Variants in ARSG observed in about 807,000 individuals in gnomAD.
ARSG encodes arylsulfatase G.
ARSG carries 37 observed loss-of-function variants against 50.5 expected under a neutral mutation model. The ratio of observed to expected loss-of-function variants is 0.73; its 90% confidence interval spans 0.56 to 0.96. ARSG has a LOEUF of 0.96. ARSG is among the 50% of genes least tolerant of loss of function. The pLI is 0.00. For synonymous variants in ARSG, 225 were observed against 254.6 expected, an observed-to-expected ratio of 0.88 and a Z score of 1.11; for missense variants, 629 against 675.3, an observed-to-expected ratio of 0.93 and a Z score of 0.76.
upstream of ARSG, among the ~76,000 whole-genome samples, chr17:68,288,266 C>T (rs1357525278): frequency 1.1e-4 from 17 of 152,262 alleles, no homozygotes; most frequent in African/African-American, 4.1e-4. Context: ...TCCCAAAGTG[C>T]TGGGATTACA....
the ARSG span, chr17:68,433,509 G>A: frequency 2.7e-5 from 44 of 1,614,002 alleles, no homozygotes; most frequent in African/African-American, 2.9e-4. Context: ...GTACCGTCTC[G>A]GTGTTACTGG....
intron 8 of ARSG, among the ~76,000 whole-genome samples, chr17:68,372,149 A>G (rs1275223935): frequency 6.6e-6 from 1 of 152,162 alleles, no homozygotes; most frequent in Admixed American, 6.6e-5. Flanking sequence ...GTGGGGCAGA[A>G]TTTTAGATCT....
chr17:68,301,812 C>T (rs1555761999), intron 1 of ARSG, among the ~76,000 whole-genome samples: 2 of 151,998 alleles, frequency 1.3e-5, no homozygotes, highest in Non-Finnish European at 2.9e-5. Context: ...CTCAGCCTTT[C>T]CCAGTTTCTC....
chr17:68,300,035 G>A (rs1366008627), intron 1 of ARSG, among the ~76,000 whole-genome samples: 1 of 151,152 alleles, frequency 6.6e-6, no homozygotes, highest in Non-Finnish European at 1.5e-5. Context: ...GAACTCCTGA[G>A]CTCCAGCCAT....
intron 1 of ARSG, among the ~76,000 whole-genome samples, chr17:68,293,995 T>C (rs2076116496): frequency 6.6e-6 from 1 of 152,214 alleles, no homozygotes; most frequent in Non-Finnish European, 1.5e-5. Context: ...ATTGCCATGC[T>C]AATCAACGCC....
chr17:68,383,448 G>C (rs1033870661), intron 8 of ARSG, among the ~76,000 whole-genome samples: 1 of 152,158 alleles, frequency 6.6e-6, no homozygotes, highest in African/African-American at 2.4e-5. Flanking sequence ...TCTTTCCTTA[G>C]CATCTGGCCT....
intron 11 of ARSG, among the ~76,000 whole-genome samples, chr17:68,415,662 C>A (rs1211552510): frequency 6.6e-6 from 1 of 152,150 alleles, no homozygotes; most frequent in Non-Finnish European, 1.5e-5. Flanking sequence ...TATCTCATTT[C>A]TTACGTTATT....
the ARSG span, chr17:68,435,651 G>C: frequency 3.1e-6 from 5 of 1,614,124 alleles, no homozygotes; most frequent in Non-Finnish European, 4.2e-6. Flanking sequence ...TTTGGAGCCT[G>C]AGGCATTGAA....
At chr17:68,440,187 G>A in the ARSG span, among the ~76,000 whole-genome samples, 7 of 152,132 alleles carry the variant, frequency 4.6e-5, no homozygotes, top group Non-Finnish European at 1.0e-4. Context: ...TCTGAATTTA[G>A]ACAAGGAATC....
At chr17:68,377,716 C>T (rs945947938) in intron 8 of ARSG, among the ~76,000 whole-genome samples, 1 of 152,314 alleles carries the variant, frequency 6.6e-6, no homozygotes, top group Non-Finnish European at 1.5e-5. Flanking sequence ...GAAAAAGATT[C>T]CCCCACAAAA....
intron 3 of ARSG, 111 bp from the exon 4 acceptor site, chr17:68,347,014 C>A: frequency 6.4e-7 from 1 of 1,560,390 alleles, no homozygotes; most frequent in Non-Finnish European, 8.7e-7. Flanking sequence ...TTTGGCTTGT[C>A]CACAGTGCGA....
intron 6 of ARSG, among the ~76,000 whole-genome samples, chr17:68,361,790 G>A (rs539720417): frequency 6.6e-6 from 1 of 152,212 alleles, no homozygotes; most frequent in Non-Finnish European, 1.5e-5. Context: ...GGTGGCACAT[G>A]CCTGTAATCC....
chr17:68,356,578 G>T, intron 5 of ARSG, 89 bp from the exon 6 acceptor site: 1 of 1,448,798 alleles, frequency 6.9e-7, no homozygotes, highest in Non-Finnish European at 9.6e-7. Flanking sequence ...TTGTATTTAT[G>T]TGCATATGCA....
At chr17:68,306,204 G>A (rs1179580979) in intron 1 of ARSG, among the ~76,000 whole-genome samples, 3 of 151,948 alleles carry the variant, frequency 2.0e-5, no homozygotes, top group South Asian at 2.1e-4. Context: ...GTTTCTCCAT[G>A]TTGGTCAGGC....
At chr17:68,434,049 C>T in the ARSG span, among the ~76,000 whole-genome samples, 12 of 152,050 alleles carry the variant, frequency 7.9e-5, 2 homozygotes, top group African/African-American at 2.2e-4. Context: ...GGATTACAGA[C>T]GTGAGCCACC....
intron 2 of ARSG, among the ~76,000 whole-genome samples, chr17:68,334,100 G>C (rs556008716): frequency 6.6e-6 from 1 of 152,312 alleles, no homozygotes; most frequent in East Asian, 1.9e-4. Flanking sequence ...CACCCAACCT[G>C]TCAGTGCATA....
At chr17:68,345,237 C>T (rs539943467) in intron 3 of ARSG, among the ~76,000 whole-genome samples, 3 of 152,216 alleles carry the variant, frequency 2.0e-5, no homozygotes, top group Non-Finnish European at 4.4e-5. Flanking sequence ...TATGGAAGGC[C>T]GAGGTGGGAG....
At chr17:68,445,986 C>T in the ARSG span, among the ~76,000 whole-genome samples, 30 of 152,150 alleles carry the variant, frequency 2.0e-4, no homozygotes. Flanking sequence ...TCAAGAACCA[C>T]TGGTCTCAGC....
At chr17:68,317,512 CA>C (rs1339872020) in intron 2 of ARSG, among the ~76,000 whole-genome samples, 1 of 151,056 alleles carries the variant, frequency 6.6e-6, no homozygotes, top group Non-Finnish European at 1.5e-5. Flanking sequence ...TGCAAATCAG[CA>C]AACATCTCTT....
Sources: gnomAD v4.1 joint callset for allele counts (sites outside exome capture counted in the v4.1 genomes callset) on GRCh38, gnomAD v4.1.1 for gene constraint, MANE v1.5 for transcripts, NCBI Gene and HGNC (gene_info 2026-07-23, HGNC 2026-07-21) for gene names.